Variants in IMPG2 observed in about 807,000 individuals in gnomAD.
IMPG2 encodes interphotoreceptor matrix proteoglycan 2, also known as IPM 200.
In IMPG2, 91 loss-of-function variants were observed where a neutral mutation model predicts 129.2. The ratio of observed to expected loss-of-function variants is 0.70; its 90% CI spans 0.59 to 0.84. The LOEUF (loss-of-function observed/expected upper bound fraction) is 0.84, where lower values mean the gene tolerates loss of function less well. Ranked by LOEUF, IMPG2 falls within the 40% of genes least tolerant of loss-of-function variation. The pLI, the probability that IMPG2 is intolerant of heterozygous loss-of-function variation, is 0.00. For synonymous variants in IMPG2, 510 were observed against 517.7 expected (o/e 0.99, Z 0.20); for missense variants, 1,430 against 1,461.7 (o/e 0.98, Z 0.35).
At chr3:101,269,387 C>T (rs1706754054) in intron 8 of IMPG2, 128 bp downstream of exon 8, 1 of 615,740 alleles carries the variant, frequency 1.6e-6, no homozygotes, top group Non-Finnish European at 2.9e-6. Context: ...ACTAATTTAC[C>T]AGAAATAGCA....
intron 2 of IMPG2, among the ~76,000 whole-genome samples, chr3:101,312,703 T>C (rs1403433785): frequency 1.3e-5 from 2 of 152,052 alleles, no homozygotes; most frequent in Non-Finnish European, 2.9e-5. Flanking sequence ...TAAATGCCCA[T>C]TGACTGACAA....
chr3:101,228,724 T>C, intron 18 of IMPG2, 73 bp downstream of exon 18: 1 of 1,158,160 alleles, frequency 8.6e-7, no homozygotes, highest in Non-Finnish European at 1.3e-6. Flanking sequence ...ATGTGCTCAC[T>C]CAGGTGTGAC....
intron 10 of IMPG2, 65 bp from the exon 11 acceptor site, chr3:101,253,846 A>G: frequency 8.9e-7 from 1 of 1,121,702 alleles, no homozygotes; most frequent in Non-Finnish European, 1.3e-6. Flanking sequence ...AGGTGCAGGG[A>G]CAACTGAAAG....
At chr3:101,232,231 T>A (rs1284093492) in intron 15 of IMPG2, among the ~76,000 whole-genome samples, 1 of 151,012 alleles carries the variant, frequency 6.6e-6, no homozygotes, top group African/African-American at 2.4e-5. Context: ...TTATTTTTTT[T>A]TTATTTATTT....
At chr3:101,278,170 G>GGCTGCAGTGAGCCAAGATTGTGCC (rs1706857685) in intron 4 of IMPG2, among the ~76,000 whole-genome samples, 1 of 152,214 alleles carries the variant, frequency 6.6e-6, no homozygotes, top group Non-Finnish European at 1.5e-5. Context: ...AGGAGGCAGA[G>GGCTGCAGTGAGCCAAGATTGTGCC]GCTGCAGTGA....
rs1292655052 is a variant in IMPG2, at chr3:101,223,415, A to G, written c.*3554T>C. The stretch of plus-strand genomic sequence containing the variant: ...AATTTAATAGTTATTCTACTTCATT[A>G]GCTCTTTCATTATGGAATAAATATG... On this transcript the variant is annotated 3_prime_UTR_variant, in exon 19 of 19. Transcript: ENST00000193391. 1.3e-5 allele frequency: 2 copies of G among 152,372 alleles called. No homozygotes were observed. The highest frequency in any genetic ancestry group is 2.1e-4 in the South Asian group (1 of 4,828). 9.4% of individuals were successfully genotyped at this position (152,372 alleles called of 1,614,324 possible).
Position 101,304,084 on chromosome 3 carries a change from C to T in IMPG2, c.501+62G>A. On this transcript the variant is annotated intron_variant, in intron 3 of 18. Transcript: ENST00000193391. ...GCCACTTGCTTTTGCTTCCTTTAGG[C>T]CTTAGCTGTGTAAATGCTCCTACAA... 3 of 1,566,728 alleles carry T rather than the reference C, an allele frequency of 1.9e-6. No individual in the cohort carries two copies. The South Asian group carries it at 3.3e-5, about 17-fold the overall frequency.
intron 3 of IMPG2, among the ~76,000 whole-genome samples, chr3:101,296,253 G>T (rs1437240855): frequency 6.6e-6 from 1 of 152,148 alleles, no homozygotes; most frequent in East Asian, 1.9e-4. Context: ...TACCTAGTTT[G>T]TTGAGAGTTT....
chr3:101,264,493 T>C (rs925939201), intron 9 of IMPG2, among the ~76,000 whole-genome samples: 1 of 151,986 alleles, frequency 6.6e-6, no homozygotes, highest in Non-Finnish European at 1.5e-5. Flanking sequence ...CTTAATAAAA[T>C]TCAACATGCC....
At chr3:101,256,144 G>A (rs200525701) in intron 10 of IMPG2, among the ~76,000 whole-genome samples, 181 of 45,256 alleles carry the variant, frequency 4.0e-3, no homozygotes, top group African/African-American at 0.01. Flanking sequence ...AAGAAAGAAA[G>A]AAAAGAAAGA....
chr3:101,233,080 G>A (rs1442347799), intron 14 of IMPG2, 89 bp from the exon 15 acceptor site: 3 of 1,165,000 alleles, frequency 2.6e-6, no homozygotes, highest in Admixed American at 1.8e-5. Context: ...CTCCCCCAAA[G>A]TATATGGGAC....
In IMPG2 at chr3:101,226,245, A is replaced by ATATATATATATATATATATATATATT. The variant is rs1706221811; in HGVS notation, c.*723_*724insAATATATATATATATATATATATATA. ...AAACTTTATATATATATATATATAT[A>ATATATATATATATATATATATATATT]TATATATATATATATATATATATAT... On this transcript the variant is annotated 3_prime_UTR_variant, in exon 19 of 19. Transcript: ENST00000193391. The ATATATATATATATATATATATATATT allele has an allele frequency of 1.4e-4, 3 of 20,978 alleles. No homozygotes were observed. The highest frequency in any genetic ancestry group is 5.9e-4 in the Admixed American group (1 of 1,700). 1.3% of individuals were successfully genotyped at this position (20,978 alleles called of 1,614,324 possible).
chr3:101,314,616 C>T (rs2058775193), intron 2 of IMPG2, among the ~76,000 whole-genome samples: 1 of 152,080 alleles, frequency 6.6e-6, no homozygotes, highest in African/African-American at 2.4e-5. Context: ...CACTTGTGTC[C>T]TTCCCACATA....
intron 9 of IMPG2, among the ~76,000 whole-genome samples, chr3:101,260,693 G>C (rs1245513145): frequency 6.6e-6 from 1 of 152,034 alleles, no homozygotes; most frequent in East Asian, 1.9e-4. Flanking sequence ...CACACATACA[G>C]ATACCTTCTT....
chr3:101,243,270 G>A (rs1047783297), intron 13 of IMPG2, among the ~76,000 whole-genome samples: 2 of 152,172 alleles, frequency 1.3e-5, no homozygotes, highest in African/African-American at 4.8e-5. Flanking sequence ...CAAACTTACT[G>A]TAGTCCCATA....
chr3:101,252,341 T>A (rs936561900), intron 11 of IMPG2, among the ~76,000 whole-genome samples: 1 of 152,176 alleles, frequency 6.6e-6, no homozygotes, highest in Non-Finnish European at 1.5e-5. Context: ...TATATACAAA[T>A]TCTCATCTTT....
At chr3:101,286,878 G>T (rs1706951127) in intron 4 of IMPG2, among the ~76,000 whole-genome samples, 1 of 152,138 alleles carries the variant, frequency 6.6e-6, no homozygotes, top group Admixed American at 6.5e-5. Context: ...TCAATTTGGG[G>T]CAGCTCCAGA....
chr3:101,253,849 A>C, intron 10 of IMPG2, 68 bp from the exon 11 acceptor site: 2 of 1,066,018 alleles, frequency 1.9e-6, no homozygotes, highest in Non-Finnish European at 2.8e-6. Context: ...TGCAGGGACA[A>C]CTGAAAGTCA....
Position 101,244,619 on chromosome 3 carries a change from G to A in IMPG2, c.1712C>T (p.Ser571Phe), listed in dbSNP as rs1706454611. 3.7e-6 allele frequency: 6 copies of A among 1,601,626 alleles called. No homozygotes were observed. The highest frequency in any genetic ancestry group is 3.3e-4 in the Middle Eastern group (2 of 5,992). Reference protein sequence around the residue: ...LTSSIPFGLDSLTSKVKDQLK... With the variant: ...LTSSIPFGLDFLTSKVKDQLK... ...TTGGTCTTTGACTTTGGAGGTCAAG[G>A]AGTCCAAGCCAAAAGGTATAGAAGA... Residue 571 changes from serine (S) to phenylalanine (F), a missense_variant, in exon 13 of 19, where the codon TCC becomes TTC. By Grantham distance (155) the Ser-to-Phe change is radical (BLOSUM62 -2). Transcript: ENST00000193391.
Sources: allele counts gnomAD v4.1 joint callset (sites outside exome capture counted in the v4.1 genomes callset), GRCh38; gene constraint gnomAD v4.1.1; transcripts MANE v1.5; gene names NCBI Gene and HGNC (gene_info 2026-07-23, HGNC 2026-07-21).